The following THSD4 variants were observed in gnomAD, a reference collection of about 807,000 sequenced individuals.
THSD4 encodes thrombospondin type 1 domain containing 4, also known as thrombospondin type-1 domain-containing protein 4.
A neutral mutation model predicts 119.0 loss-of-function variants in THSD4; 69 were observed. The observed-to-expected ratio is 0.58, with a 90% confidence interval of 0.48 to 0.71. THSD4 has a LOEUF of 0.71. THSD4 is among the 30% of genes least tolerant of loss of function. The pLI is 0.00. For missense variants in THSD4, 1,393 were observed against 1,391.1 expected, an observed-to-expected ratio of 1.00 and a Z score of -0.02; for synonymous variants, 524 against 540.4, an observed-to-expected ratio of 0.97 and a Z score of 0.42.
chr15:71,628,444 G>A (rs979533464), intron 7 of THSD4, among the ~76,000 whole-genome samples: 9 of 152,126 alleles, frequency 5.9e-5, no homozygotes, highest in African/African-American at 1.4e-4. Context: ...CCAAGGTGGC[G>A]CAGCAATCAA....
chr15:71,611,430 C>A (rs1047553811), intron 7 of THSD4, among the ~76,000 whole-genome samples: 3 of 152,198 alleles, frequency 2.0e-5, no homozygotes, highest in African/African-American at 7.2e-5. Context: ...AGCCCCTACC[C>A]CGGCAAAAAC....
In THSD4 at chr15:71,780,963, G is replaced by A. The variant is rs1445441849; in HGVS notation, c.*3589G>A. On this transcript the variant is annotated 3_prime_UTR_variant, in exon 18 of 18. Coordinates refer to ENST00000261862, the MANE Select transcript of THSD4 (RefSeq NM_024817.3). ...AATGTTGTGGGTTTTCTTTTCATTC[G>A]GATAGCCACTTTATAGTTGGAATAT... The A allele has an allele frequency of 1.7e-5, 6 of 348,046 alleles. No individual in the cohort carries two copies. Among genetic ancestry groups the A allele is most frequent in the East Asian group, 1.5e-4 (2 of 13,514 alleles). 21.6% of individuals were successfully genotyped at this position (348,046 alleles called of 1,614,324 possible).
At chr15:71,445,873 C>T (rs1056134943) in intron 7 of THSD4, among the ~76,000 whole-genome samples, 1 of 152,140 alleles carries the variant, frequency 6.6e-6, no homozygotes, top group South Asian at 2.1e-4. Flanking sequence ...TTTTGTACAT[C>T]AAAGCATTAA....
intron 12 of THSD4, 33 bp from the exon 13 acceptor site, chr15:71,746,805 T>TCTCTCA (rs1491434588): frequency 1.2e-6 from 2 of 1,607,828 alleles, no homozygotes; most frequent in African/African-American, 2.7e-5. Context: ...CTGAAGGTTG[T>TCTCTCA]CTCTCACTCT....
intron 1 of THSD4, among the ~76,000 whole-genome samples, chr15:71,139,864 A>G (rs1392673788): frequency 2.6e-5 from 4 of 152,164 alleles, no homozygotes; most frequent in Non-Finnish European, 5.9e-5. Flanking sequence ...ACCTTGCTTC[A>G]TTTGTCTTTC....
intron 6 of THSD4, among the ~76,000 whole-genome samples, chr15:71,408,897 G>A (rs1482362905): frequency 6.6e-6 from 1 of 152,086 alleles, no homozygotes; most frequent in Non-Finnish European, 1.5e-5. Context: ...GTCTATGCAG[G>A]GTCTAGAGAA....
intron 7 of THSD4, among the ~76,000 whole-genome samples, chr15:71,532,529 A>C (rs757353302): frequency 1.3e-5 from 2 of 151,262 alleles, no homozygotes; most frequent in Admixed American, 6.6e-5. Context: ...GTTGGCCAGG[A>C]TGGTCTCAAT....
Position 71,594,550 on chromosome 15 carries a change from A to G in THSD4, c.1153-65980A>G, listed in dbSNP as rs181082150. Among the ~76,000 whole-genome samples the G allele has an allele frequency of 2.0e-3, 304 of 152,084 alleles. 1 individual carries two copies. The highest frequency in any genetic ancestry group is 3.5e-3 in the Non-Finnish European group (237 of 67,978). ...ATCCAGCCCGACCCAGGTGTGCCCA[A>G]ATGATCCAGGCTTCCAAAATCAAAG... On this transcript the variant is annotated intron_variant, in intron 7 of 17. Coordinates refer to ENST00000261862, the MANE Select transcript of THSD4 (RefSeq NM_024817.3).
chr15:71,519,339 G>A (rs2048406090), intron 7 of THSD4, among the ~76,000 whole-genome samples: 1 of 152,024 alleles, frequency 6.6e-6, no homozygotes, highest in Non-Finnish European at 1.5e-5. Flanking sequence ...AAGCAGAAAC[G>A]GTATATGATC....
chr15:71,394,648 ACTC>A (rs1487447020), intron 6 of THSD4, among the ~76,000 whole-genome samples: 4 of 151,462 alleles, frequency 2.6e-5, no homozygotes, highest in Admixed American at 6.6e-5. Context: ...CTTCCTCCCT[ACTC>A]CTCCTTCACA....
chr15:71,262,481 A>G (rs183466932), intron 6 of THSD4, among the ~76,000 whole-genome samples: 8 of 152,222 alleles, frequency 5.3e-5, no homozygotes, highest in African/African-American at 1.9e-4. Flanking sequence ...AGCAAATTCT[A>G]CCTGTTTTCA....
chr15:71,192,570 G>A (rs896813469), intron 3 of THSD4, among the ~76,000 whole-genome samples: 7 of 152,254 alleles, frequency 4.6e-5, no homozygotes, highest in South Asian at 2.1e-4. Context: ...GTGAACCACC[G>A]CGCTTGGCTC....
chr15:71,340,689 T>G (rs2045555035), intron 6 of THSD4, among the ~76,000 whole-genome samples: 2 of 146,550 alleles, frequency 1.4e-5, no homozygotes, highest in South Asian at 4.6e-4. Context: ...TGCTGCAACC[T>G]CTGCCTGCTG....
At chr15:71,582,497 C>A (rs1019241155) in intron 7 of THSD4, among the ~76,000 whole-genome samples, 12 of 151,978 alleles carry the variant, frequency 7.9e-5, no homozygotes, top group African/African-American at 2.7e-4. Flanking sequence ...TTACTTGCTC[C>A]AGCTAGTAGT....
intron 7 of THSD4, among the ~76,000 whole-genome samples, chr15:71,657,806 C>T (rs1222669137): frequency 6.6e-6 from 1 of 152,214 alleles, no homozygotes; most frequent in Admixed American, 6.5e-5. Flanking sequence ...AGCAACCATG[C>T]TCTGCAGGAA....
rs895919143 is a variant in THSD4, at chr15:71,720,479, T to C, written c.1358-8070T>C. Among the ~76,000 whole-genome samples, 6 of 152,224 alleles carry C rather than the reference T, an allele frequency of 3.9e-5. No homozygotes were observed. In the East Asian group the frequency reaches 9.6e-4, roughly 24 times the overall value. ...TAACTTCTGTAAAGTCCCATGAATA[T>C]CTATATGATTTCCGTTGGTGATAGA... On this transcript the variant is annotated intron_variant, in intron 8 of 17. Coordinates refer to ENST00000261862, the MANE Select transcript of THSD4 (RefSeq NM_024817.3).
intron 6 of THSD4, among the ~76,000 whole-genome samples, chr15:71,407,662 A>G (rs946039014): frequency 1.3e-5 from 2 of 152,000 alleles, no homozygotes; most frequent in Non-Finnish European, 2.9e-5. Flanking sequence ...AATATCCTAA[A>G]TTTAGAGTAC....
chr15:71,161,308 TG>T (rs2043247635), intron 3 of THSD4, among the ~76,000 whole-genome samples: 1 of 152,104 alleles, frequency 6.6e-6, no homozygotes, highest in African/African-American at 2.4e-5. Context: ...CTTTGTTGAT[TG>T]TCTGTCTAGG....
intron 7 of THSD4, among the ~76,000 whole-genome samples, chr15:71,489,664 T>G (rs2047882982): frequency 6.6e-6 from 1 of 152,202 alleles, no homozygotes; most frequent in Non-Finnish European, 1.5e-5. Context: ...TTTGTAACCC[T>G]TAAAAAAAAT....
Sources: gnomAD v4.1 joint callset for allele counts (sites outside exome capture counted in the v4.1 genomes callset) on GRCh38, gnomAD v4.1.1 for gene constraint, MANE v1.5 for transcripts, NCBI Gene and HGNC (gene_info 2026-07-23, HGNC 2026-07-21) for gene names.